The following ILDR1 variants were observed in gnomAD, a reference collection of about 807,000 sequenced individuals.
The protein encoded by ILDR1 is immunoglobulin-like domain-containing receptor 1.
Under a neutral mutation model 62.4 loss-of-function variants are expected in ILDR1, and 56 were observed. The observed-to-expected ratio is 0.90, with a 90% confidence interval of 0.72 to 1.12. The LOEUF is 1.12. Ranked by LOEUF, ILDR1 falls within the 50% of genes most tolerant of loss-of-function variation. The pLI, the probability that ILDR1 is intolerant of heterozygous loss-of-function variation, is 0.00. For synonymous variants in ILDR1, 284 were observed against 277.8 expected, an observed-to-expected ratio of 1.02 and a Z score of -0.22; for missense variants, 736 against 710.6, an observed-to-expected ratio of 1.04 and a Z score of -0.41.
upstream of ILDR1, among the ~76,000 whole-genome samples, chr3:122,027,113 G>A (rs780533238): frequency 2.0e-5 from 3 of 152,224 alleles, no homozygotes; most frequent in South Asian, 2.1e-4. Context: ...ATTGTAAACC[G>A]TTACTGAAAA....
intron 1 of ILDR1, among the ~76,000 whole-genome samples, chr3:122,017,463 C>A (rs374374439): frequency 7.2e-5 from 11 of 152,196 alleles, no homozygotes; most frequent in Non-Finnish European, 7.3e-5. Context: ...AATCACCCAA[C>A]GGCTTGTTTC....
the ILDR1 span, among the ~76,000 whole-genome samples, chr3:122,032,149 A>G: frequency 6.6e-6 from 1 of 152,138 alleles, no homozygotes; most frequent in Admixed American, 6.5e-5. Flanking sequence ...CTTCTCCCCA[A>G]AGGTAACCAC....
At position 122,022,213 on chromosome 3, in the gene ILDR1, G is replaced by A. The variant is rs1472583207; in HGVS notation, c.-136C>T. Reference sequence around the variant, plus strand: ...CCCCTCCCTCGGCGCAGCGGGGAGGGAGCGTCCGCTCTGGTCCCGGGGCAG... The same window carrying A: ...CCCCTCCCTCGGCGCAGCGGGGAGGAAGCGTCCGCTCTGGTCCCGGGGCAG... On this transcript the variant is annotated 5_prime_UTR_variant, in exon 1 of 8. Transcript: ENST00000344209. 4 of 756,616 alleles carry A rather than the reference G, an allele frequency of 5.3e-6. No homozygotes were observed. The Admixed American group carries it at 7.6e-5, about 14-fold the overall frequency. 46.9% of individuals were successfully genotyped at this position (756,616 alleles called of 1,614,324 possible).
intron 1 of ILDR1, among the ~76,000 whole-genome samples, chr3:122,010,863 A>G (rs2071693062): frequency 6.6e-6 from 1 of 152,240 alleles, no homozygotes; most frequent in African/African-American, 2.4e-5. Context: ...ATTCTTTTAT[A>G]TACTAAATGT....
chr3:122,047,323 G>T, the ILDR1 span, among the ~76,000 whole-genome samples: 1 of 152,222 alleles, frequency 6.6e-6, no homozygotes, highest in Admixed American at 6.5e-5. Context: ...TCTCTTCAAA[G>T]CTGTCAGAGA....
chr3:122,018,572 G>A (rs2071812079), intron 1 of ILDR1, among the ~76,000 whole-genome samples: 1 of 147,682 alleles, frequency 6.8e-6, no homozygotes, highest in South Asian at 2.1e-4. Flanking sequence ...CTGCTCCACA[G>A]TATGAAATAG....
chr3:122,051,536 T>C, the ILDR1 span, among the ~76,000 whole-genome samples: 1 of 152,178 alleles, frequency 6.6e-6, no homozygotes, highest in Non-Finnish European at 1.5e-5. Context: ...TGCATCACTT[T>C]CCTGAACTCA....
chr3:121,994,078 A>G, intron 6 of ILDR1, 104 bp downstream of exon 6: 1 of 1,497,580 alleles, frequency 6.7e-7, no homozygotes, highest in East Asian at 2.4e-5. Context: ...TCCCATCTCC[A>G]TCATGAAGAT....
the ILDR1 span, among the ~76,000 whole-genome samples, chr3:122,029,305 A>AT: frequency 8.7e-4 from 132 of 152,110 alleles, 2 homozygotes; most frequent in Middle Eastern, 3.4e-3. Context: ...TCAGGAGTTC[A>AT]TGAACGGCCT....
At chr3:122,057,338 A>C in the ILDR1 span, among the ~76,000 whole-genome samples, 1 of 152,344 alleles carries the variant, frequency 6.6e-6, no homozygotes, top group East Asian at 1.9e-4. Context: ...GGAAAATCTT[A>C]GAAACAATTT....
the ILDR1 span, among the ~76,000 whole-genome samples, chr3:122,035,814 A>G: frequency 6.6e-6 from 1 of 152,206 alleles, no homozygotes; most frequent in South Asian, 2.1e-4. Flanking sequence ...GTGAAAATGA[A>G]CTAATACAGA....
At chr3:122,038,940 A>T in the ILDR1 span, among the ~76,000 whole-genome samples, 1 of 152,170 alleles carries the variant, frequency 6.6e-6, no homozygotes, top group South Asian at 2.1e-4. Context: ...AAATATTGTT[A>T]TCTACCCTGT....
chr3:122,047,523 G>A, the ILDR1 span, among the ~76,000 whole-genome samples: 380 of 152,310 alleles, frequency 2.5e-3, 1 homozygote, highest in Non-Finnish European at 4.6e-3. Flanking sequence ...CCTCGCTGCC[G>A]CCTTGCATTT....
chr3:121,994,061 G>C (rs2071400593), intron 6 of ILDR1, 91 bp from the exon 7 acceptor site: 1 of 1,498,030 alleles, frequency 6.7e-7, no homozygotes, highest in African/African-American at 1.4e-5. Flanking sequence ...TGGTTAGCAT[G>C]AATCCCTCCC....
At chr3:122,004,651 G>A (rs2071577407) in intron 3 of ILDR1, among the ~76,000 whole-genome samples, 1 of 152,218 alleles carries the variant, frequency 6.6e-6, no homozygotes, top group African/African-American at 2.4e-5. Context: ...GAGTAGGGAG[G>A]AAGATACCAT....
chr3:122,001,991 T>A, intron 3 of ILDR1, 127 bp from the exon 4 acceptor site: 1 of 1,092,266 alleles, frequency 9.2e-7, no homozygotes, highest in Non-Finnish European at 1.3e-6. Flanking sequence ...AAAAAAAAAA[T>A]TATCCAGCCA....
chr3:122,022,383 C>G (rs1431935728), upstream of ILDR1: 2 of 340,882 alleles, frequency 5.9e-6, no homozygotes, highest in African/African-American at 4.3e-5. Context: ...CGCTGAAACA[C>G]CGTCCCCCAC....
chr3:122,022,025 G>T lies in ILDR1; in HGVS notation c.53C>A (p.Pro18Gln). ...ACCATTTTTCCAAGGCTCACCTGCT[G>T]GGAGCCAGGTGCAGAGCAGCAGCCA... ...APWLLLCTWL[P>Q]AGCLSLLVTV... is the part of the protein sequence containing the mutation. The change falls in exon 1 of 8, where the codon CCA becomes CAA. Residue 18 changes from proline to glutamine, a missense_variant. Physicochemically the swap from Pro to Gln is moderately conservative, Grantham distance 76. Transcript: ENST00000344209. 1 of 1,610,996 alleles carries T rather than the reference G, an allele frequency of 6.2e-7. No homozygotes were observed. The highest frequency in any genetic ancestry group is 1.3e-5 in the African/African-American group (1 of 75,018).
chr3:122,037,315 G>A, the ILDR1 span, among the ~76,000 whole-genome samples: 2 of 152,220 alleles, frequency 1.3e-5, no homozygotes, highest in African/African-American at 2.4e-5. Flanking sequence ...GCCCATGAAA[G>A]CAGCCAAAGG....
Sources: allele counts gnomAD v4.1 joint callset (sites outside exome capture counted in the v4.1 genomes callset), GRCh38; gene constraint gnomAD v4.1.1; transcripts MANE v1.5; gene names NCBI Gene and HGNC (gene_info 2026-07-23, HGNC 2026-07-21).